The following PDSS2 variants were observed in gnomAD, a reference collection of about 807,000 sequenced individuals.
PDSS2 encodes all trans-polyprenyl-diphosphate synthase PDSS2.
Under a neutral mutation model 44.5 loss-of-function variants are expected in PDSS2, and 31 were observed. The observed-to-expected ratio is 0.70, with a 90% CI of 0.52 to 0.94. PDSS2 has a LOEUF of 0.94. Among genes scored for constraint, PDSS2 ranks in the 40% least tolerant of loss-of-function variants. The pLI, the probability that PDSS2 is intolerant of heterozygous loss-of-function variation, is 0.00. For synonymous variants in PDSS2, 157 were observed against 180.3 expected (o/e 0.87, Z 1.03); for missense variants, 452 against 482.2 (o/e 0.94, Z 0.59).
At chr6:107,189,220 GTAT>G (rs753300151) in intron 7 of PDSS2, among the ~76,000 whole-genome samples, 2 of 152,108 alleles carry the variant, frequency 1.3e-5, no homozygotes, top group Admixed American at 1.3e-4. Flanking sequence ...GCTAATTTTT[GTAT>G]TTTTTTTAGA....
chr6:107,197,457 G>A (rs985072682), intron 6 of PDSS2, among the ~76,000 whole-genome samples: 13 of 133,478 alleles, frequency 9.7e-5, no homozygotes, highest in Non-Finnish European at 1.8e-4. Flanking sequence ...TCCAGCCTAG[G>A]CAACAAAGTG....
chr6:107,339,357 T>C (rs73762206), intron 1 of PDSS2, among the ~76,000 whole-genome samples: 24,291 of 152,204 alleles, frequency 0.16, 2,082 homozygotes, highest in South Asian at 0.21. Context: ...ATCTTTATCA[T>C]TAAAGTTCTA....
intron 1 of PDSS2, among the ~76,000 whole-genome samples, chr6:107,373,826 A>G (rs1003185169): frequency 2.0e-5 from 3 of 152,204 alleles, no homozygotes; most frequent in African/African-American, 7.2e-5. Flanking sequence ...ATGAAGTACA[A>G]CAGAGGTTCT....
chr6:107,193,711 G>A lies in PDSS2; in HGVS notation c.1041+111C>T, dbSNP rs528009529. The A allele has an allele frequency of 7.5e-4, 574 of 768,112 alleles. 1 individual carries two copies. Among genetic ancestry groups the A allele is most frequent in the Non-Finnish European group, 1.2e-3 (512 of 419,842 alleles). 47.6% of individuals were successfully genotyped at this position (768,112 alleles called of 1,614,324 possible). ...ATTGGCCTGTTACTTAACAGGAAAT[G>A]TCCTTCAGCTCTCAATGTGATCATT... On this transcript the variant is annotated intron_variant, in intron 7 of 7. Transcript: ENST00000369037.
At chr6:107,160,432 T>C (rs1231816251) in intron 7 of PDSS2, among the ~76,000 whole-genome samples, 2 of 152,098 alleles carry the variant, frequency 1.3e-5, no homozygotes. Flanking sequence ...CACTGTAGCC[T>C]CTACCTCCTG....
chr6:107,363,970 A>C (rs1479665013), intron 1 of PDSS2, among the ~76,000 whole-genome samples: 1 of 151,914 alleles, frequency 6.6e-6, no homozygotes, highest in Admixed American at 6.6e-5. Flanking sequence ...CTTGAGCTAG[A>C]TACAGAGTGC....
intron 7 of PDSS2, among the ~76,000 whole-genome samples, chr6:107,157,008 A>C (rs1457818093): frequency 1.3e-5 from 2 of 152,056 alleles, no homozygotes; most frequent in African/African-American, 2.4e-5. Context: ...CCAGGTCTGC[A>C]CCCCTGGACT....
chr6:107,218,687 C>CT (rs943843537), intron 4 of PDSS2, among the ~76,000 whole-genome samples: 4 of 152,112 alleles, frequency 2.6e-5, no homozygotes, highest in African/African-American at 4.8e-5. Context: ...AATTTTTTGT[C>CT]TTTCTTTTGG....
At chr6:107,159,503 G>A (rs533425458) in intron 7 of PDSS2, among the ~76,000 whole-genome samples, 3 of 147,880 alleles carry the variant, frequency 2.0e-5, no homozygotes, top group Non-Finnish European at 3.0e-5. Context: ...TGCTACCTCC[G>A]CCTCCCGGGT....
chr6:107,427,529 C>T (rs1463842010), intron 1 of PDSS2, among the ~76,000 whole-genome samples: 1 of 152,214 alleles, frequency 6.6e-6, no homozygotes, highest in East Asian at 1.9e-4. Context: ...TCTAAAAGGA[C>T]ATTTAAGTGC....
At chr6:107,337,299 T>C (rs1177026316) in intron 1 of PDSS2, among the ~76,000 whole-genome samples, 1 of 152,130 alleles carries the variant, frequency 6.6e-6, no homozygotes, top group African/African-American at 2.4e-5. Flanking sequence ...GGCAGAACCA[T>C]GACAGAGCCA....
intron 2 of PDSS2, among the ~76,000 whole-genome samples, 199 bp from the exon 3 acceptor site, chr6:107,274,426 CTCTG>C (rs918050079): frequency 6.6e-6 from 1 of 152,044 alleles, no homozygotes; most frequent in Non-Finnish European, 1.5e-5. Flanking sequence ...CACCTTCCTT[CTCTG>C]TAATACTCCT....
intron 1 of PDSS2, among the ~76,000 whole-genome samples, chr6:107,378,412 G>A (rs1236104206): frequency 6.6e-6 from 1 of 152,126 alleles, no homozygotes; most frequent in Non-Finnish European, 1.5e-5. Context: ...TAGCAAGGTT[G>A]TATGACATAA....
intron 2 of PDSS2, among the ~76,000 whole-genome samples, chr6:107,309,788 T>C (rs1398632040): frequency 1.3e-5 from 2 of 152,370 alleles, no homozygotes; most frequent in East Asian, 3.9e-4. Context: ...GCACTACCCA[T>C]AGTTGGATAT....
chr6:107,458,876 G>C, intron 1 of PDSS2, 114 bp downstream of exon 1: 1 of 884,738 alleles, frequency 1.1e-6, no homozygotes, highest in Non-Finnish European at 1.8e-6. Flanking sequence ...AAAAAGGAAG[G>C]ACTAAAAAGA....
intron 1 of PDSS2, among the ~76,000 whole-genome samples, 174 bp from the exon 2 acceptor site, chr6:107,334,506 A>C (rs1336846898): frequency 6.7e-6 from 1 of 148,172 alleles, no homozygotes; most frequent in Non-Finnish European, 1.5e-5. Flanking sequence ...TCAGGAAACA[A>C]CTAGAGAAAT....
At chr6:107,311,900 T>G (rs975842586) in intron 2 of PDSS2, among the ~76,000 whole-genome samples, 5 of 152,230 alleles carry the variant, frequency 3.3e-5, no homozygotes, top group African/African-American at 7.2e-5. Context: ...CTGTGCTCAG[T>G]ACACAGTAAT....
intron 1 of PDSS2, among the ~76,000 whole-genome samples, chr6:107,366,955 T>C (rs1009860599): frequency 3.4e-4 from 51 of 152,098 alleles, no homozygotes; most frequent in Non-Finnish European, 3.1e-4. Flanking sequence ...ACTTAGAAAA[T>C]ATAGAAACTT....
chr6:107,457,614 A>AG, intron 1 of PDSS2, among the ~76,000 whole-genome samples: 1 of 152,204 alleles, frequency 6.6e-6, no homozygotes, highest in South Asian at 2.1e-4. Context: ...AAATGTCCTC[A>AG]GGGGGGGAAA....
Sources: gnomAD v4.1 joint callset for allele counts (sites outside exome capture counted in the v4.1 genomes callset) on GRCh38, gnomAD v4.1.1 for gene constraint, MANE v1.5 for transcripts, NCBI Gene and HGNC (gene_info 2026-07-23, HGNC 2026-07-21) for gene names.